The following MTUS1 variants were observed in gnomAD, a reference collection of about 807,000 sequenced individuals.
The protein encoded by MTUS1 is microtubule-associated tumor suppressor 1.
MTUS1 carries 109 observed loss-of-function variants against 120.8 expected under a neutral mutation model. The observed-to-expected ratio is 0.90, with a 90% CI of 0.77 to 1.06. The LOEUF (loss-of-function observed/expected upper bound fraction) is 1.06, where lower values mean the gene tolerates loss of function less well. Among genes scored for constraint, MTUS1 ranks in the 50% least tolerant of loss-of-function variants. The pLI is 0.00. For synonymous variants in MTUS1, 737 were observed against 550.5 expected (o/e 1.34, Z -4.74); for missense variants, 2,210 against 1,486.3 (o/e 1.49, Z -8.01).
intron 7 of MTUS1, among the ~76,000 whole-genome samples, chr8:17,680,462 CGCAAAAAAAAAAAAA>C (rs1283313710): frequency 1.1e-5 from 1 of 92,210 alleles, no homozygotes; most frequent in Non-Finnish European, 2.1e-5. Context: ...AGGCCACTGT[CGCAAAAAAAAAAAAA>C]AAAAAAAAAA....
intron 3 of MTUS1, among the ~76,000 whole-genome samples, chr8:17,733,989 T>C (rs930647368): frequency 1.3e-5 from 2 of 152,186 alleles, no homozygotes; most frequent in African/African-American, 2.4e-5. Context: ...TAATCTCCTA[T>C]ATTACAGAAA....
intron 5 of MTUS1, 68 bp downstream of exon 5, chr8:17,715,699 T>G: frequency 6.8e-7 from 1 of 1,474,368 alleles, no homozygotes; most frequent in Non-Finnish European, 9.1e-7. Context: ...TGTCAAAATT[T>G]AACTTTCTAC....
rs1365041739 is a variant in MTUS1, at chr8:17,755,954, G to C, written c.-147C>G. On this transcript the variant is annotated 5_prime_UTR_variant, in exon 2 of 15. Coordinates refer to ENST00000693296, the MANE Select transcript of MTUS1 (RefSeq NM_001363059.2). ...AGATGCTCTGAAGATTAAATGATTT[G>C]TTGTTCCCTGGAAGAAATAAAATGT... 2 of 1,420,906 alleles carry C rather than the reference G, an allele frequency of 1.4e-6. No homozygotes were observed. Among genetic ancestry groups the C allele is most frequent in the East Asian group, 2.5e-5 (1 of 39,824 alleles). 88.0% of individuals were successfully genotyped at this position (1,420,906 alleles called of 1,614,324 possible).
chr8:17,735,968 T>C (rs895494065), intron 3 of MTUS1, among the ~76,000 whole-genome samples: 9 of 152,168 alleles, frequency 5.9e-5, no homozygotes, highest in African/African-American at 1.9e-4. Context: ...AGAGTTTTCA[T>C]TGGAACGATT....
chr8:17,660,240 G>A (rs1282459584), intron 8 of MTUS1, among the ~76,000 whole-genome samples: 1 of 152,100 alleles, frequency 6.6e-6, no homozygotes, highest in Non-Finnish European at 1.5e-5. Flanking sequence ...GGGCATGATG[G>A]CGCACGTCTG....
At chr8:17,669,276 G>C (rs879664897) in intron 8 of MTUS1, among the ~76,000 whole-genome samples, 1 of 152,190 alleles carries the variant, frequency 6.6e-6, no homozygotes, top group East Asian at 1.9e-4. Flanking sequence ...CTGAGTAAAA[G>C]AGAAGGAGCA....
At chr8:17,670,901 G>C (rs1811882960) in intron 8 of MTUS1, among the ~76,000 whole-genome samples, 1 of 152,034 alleles carries the variant, frequency 6.6e-6, no homozygotes, top group Non-Finnish European at 1.5e-5. Flanking sequence ...ACAAAAAACA[G>C]CATACTATAT....
chr8:17,741,842 G>C (rs958072915), intron 3 of MTUS1, among the ~76,000 whole-genome samples: 1 of 152,174 alleles, frequency 6.6e-6, no homozygotes, highest in Non-Finnish European at 1.5e-5. Context: ...TGTAAAAGCT[G>C]ACAGGGTCTT....
chr8:17,757,394 G>A (rs902121394), intron 1 of MTUS1, among the ~76,000 whole-genome samples: 1 of 152,188 alleles, frequency 6.6e-6, no homozygotes, highest in Non-Finnish European at 1.5e-5. Context: ...TTTCTTTTGC[G>A]AGTATGTTCT....
chr8:17,710,095 G>A (rs921007678), intron 6 of MTUS1, among the ~76,000 whole-genome samples: 20 of 152,154 alleles, frequency 1.3e-4, no homozygotes, highest in African/African-American at 4.8e-4. Context: ...GAATTATTTT[G>A]CTGGTGGAAC....
intron 6 of MTUS1, among the ~76,000 whole-genome samples, chr8:17,711,029 C>A (rs1163532042): frequency 6.6e-6 from 1 of 152,146 alleles, no homozygotes; most frequent in African/African-American, 2.4e-5. Flanking sequence ...ATTCAGCAAA[C>A]CATACTGTAA....
intron 8 of MTUS1, among the ~76,000 whole-genome samples, chr8:17,656,299 G>T (rs1808214720): frequency 1.3e-5 from 2 of 151,328 alleles, no homozygotes; most frequent in African/African-American, 2.4e-5. Flanking sequence ...AGGCTGAGGT[G>T]GGGGAATCAC....
intron 8 of MTUS1, among the ~76,000 whole-genome samples, chr8:17,666,693 G>C (rs1394116772): frequency 4.6e-5 from 7 of 152,108 alleles, no homozygotes; most frequent in African/African-American, 1.4e-4. Context: ...AGAAAAACTG[G>C]TCTCCTGTTA....
chr8:17,697,311 G>A (rs766325276), intron 6 of MTUS1: 8 of 1,614,030 alleles, frequency 5.0e-6, no homozygotes, highest in Admixed American at 1.7e-5. Flanking sequence ...CGAAGGTTTC[G>A]AAGCAATCCT....
intron 7 of MTUS1, chr8:17,676,404 C>T: frequency 1.4e-6 from 1 of 700,770 alleles, no homozygotes; most frequent in South Asian, 1.5e-5. Context: ...CGCCACCCAC[C>T]AGTCGGGTCT....
At chr8:17,658,024 GAC>G (rs58132896) in intron 8 of MTUS1, among the ~76,000 whole-genome samples, 8,522 of 140,442 alleles carry the variant, frequency 0.061, 376 homozygotes, top group Admixed American at 0.14. Context: ...TATATATATA[GAC>G]ACACACACAC....
At chr8:17,676,309 T>C (rs901336861) in intron 7 of MTUS1, 1 of 703,062 alleles carries the variant, frequency 1.4e-6, no homozygotes, top group Non-Finnish European at 2.6e-6. Flanking sequence ...AGAGGCACAG[T>C]TTGCTGCTGG....
chr8:17,719,311 A>T (rs1378200157), intron 4 of MTUS1, among the ~76,000 whole-genome samples: 1 of 152,214 alleles, frequency 6.6e-6, no homozygotes, highest in East Asian at 1.9e-4. Context: ...TCATTTCTTG[A>T]ATTTTATGTG....
chr8:17,709,126 G>C (rs1015997719), intron 6 of MTUS1, among the ~76,000 whole-genome samples: 15 of 140,336 alleles, frequency 1.1e-4, no homozygotes, highest in Non-Finnish European at 1.8e-4. Context: ...GACAGAGCAA[G>C]ACTCTGCCTC....
Sources: allele counts gnomAD v4.1 joint callset (sites outside exome capture counted in the v4.1 genomes callset), GRCh38; gene constraint gnomAD v4.1.1; transcripts MANE v1.5; gene names NCBI Gene and HGNC (gene_info 2026-07-23, HGNC 2026-07-21).